MAP3K20: variants seen among roughly 807,000 people sequenced by gnomAD.
The protein encoded by MAP3K20 is mitogen-activated protein kinase kinase kinase 20.
Under a neutral mutation model 85.7 loss-of-function variants are expected in MAP3K20, and 40 were observed. The observed-to-expected ratio is 0.47, with a 90% confidence interval of 0.36 to 0.61. The LOEUF (loss-of-function observed/expected upper bound fraction) is 0.61. Among genes scored for constraint, MAP3K20 ranks in the 20% least tolerant of loss-of-function variants. The probability of loss-of-function intolerance (pLI) is 0.00; values close to 1 mark genes in which losing one functional copy is unlikely to be tolerated. For synonymous variants in MAP3K20, 325 were observed against 327.7 expected (o/e 0.99, Z 0.09); for missense variants, 817 against 961.7 (o/e 0.85, Z 1.99).
chr2:173,244,506 G>T (rs1411250740), intron 16 of MAP3K20, among the ~76,000 whole-genome samples: 1 of 152,210 alleles, frequency 6.6e-6, no homozygotes, highest in Admixed American at 6.5e-5. Flanking sequence ...TTCAGAAAGA[G>T]ATAACAAGAG....
chr2:173,214,594 T>C (rs1437461329), intron 10 of MAP3K20: 1 of 152,236 alleles, frequency 6.6e-6, no homozygotes, highest in African/African-American at 2.4e-5. Flanking sequence ...TATCATGTAA[T>C]ATATATTCTA....
At chr2:173,091,796 C>T (rs1317702487) in intron 2 of MAP3K20, among the ~76,000 whole-genome samples, 1 of 152,068 alleles carries the variant, frequency 6.6e-6, no homozygotes, top group Non-Finnish European at 1.5e-5. Flanking sequence ...TTGTGCTGGT[C>T]CTAGTTGAGC....
At chr2:173,100,377 A>G (rs1385496647) in intron 2 of MAP3K20, among the ~76,000 whole-genome samples, 1 of 152,224 alleles carries the variant, frequency 6.6e-6, no homozygotes, top group East Asian at 1.9e-4. Flanking sequence ...TAATATAAAC[A>G]GCATCGTTCA....
At chr2:173,171,382 ACT>A (rs887782304) in intron 3 of MAP3K20, among the ~76,000 whole-genome samples, 3 of 151,906 alleles carry the variant, frequency 2.0e-5, no homozygotes, top group East Asian at 1.9e-4. Flanking sequence ...GAGACTAGAA[ACT>A]CTGTTTCTTA....
chr2:173,228,128 C>T (rs181838815), intron 11 of MAP3K20, among the ~76,000 whole-genome samples: 44 of 152,312 alleles, frequency 2.9e-4, no homozygotes, highest in Non-Finnish European at 4.3e-4. Context: ...GCAGAGTATA[C>T]GCAGAACAGG....
intron 2 of MAP3K20, among the ~76,000 whole-genome samples, chr2:173,168,112 TAATA>T (rs1000938686): frequency 2.3e-4 from 35 of 150,668 alleles, no homozygotes; most frequent in African/African-American, 7.3e-4. Flanking sequence ...TTTCTAATAA[TAATA>T]AATAAACTTT....
At position 173,198,134 on chromosome 2, in the gene MAP3K20, C is replaced by A; in HGVS notation, c.669+22C>A. 1.3e-6 allele frequency: 2 copies of A among 1,597,900 alleles called. No individual in the cohort carries two copies. The highest frequency in any genetic ancestry group is 1.1e-5 in the South Asian group (1 of 89,242). ...CGAGGTAAGACTACGTTTCTCCATT[C>A]AGGTACATAGATCAGAAAACAGTAT... is the stretch of plus-strand genomic sequence containing the variant. On this transcript the variant is annotated intron_variant, in intron 8 of 19. Transcript: ENST00000375213. This position sits in a 1 kb window ranked among gnomAD's most constrained non-coding sequence, Gnocchi z 5.8.
chr2:173,258,680 A>G lies in MAP3K20; in HGVS notation c.1360-19A>G. On this transcript the variant is annotated intron_variant, in intron 16 of 19. Coordinates refer to ENST00000375213, the MANE Select transcript of MAP3K20 (RefSeq NM_016653.3). ...TTGTTTCACTTTCTCAAATTCTGTAATTTTGTTTTTAATTCCAGGATTGTA... is the reference window on the plus strand; with the variant it reads ...TTGTTTCACTTTCTCAAATTCTGTAGTTTTGTTTTTAATTCCAGGATTGTA... 1 of 1,482,104 alleles carries G rather than the reference A, an allele frequency of 6.7e-7. No individual in the cohort carries two copies. Among genetic ancestry groups the G allele is most frequent in the Non-Finnish European group, 9.4e-7 (1 of 1,069,484 alleles). 91.8% of individuals were successfully genotyped at this position (1,482,104 alleles called of 1,614,324 possible).
chr2:173,102,413 C>T (rs1489109358), intron 2 of MAP3K20, among the ~76,000 whole-genome samples: 4 of 152,112 alleles, frequency 2.6e-5, no homozygotes, highest in Admixed American at 6.5e-5. Flanking sequence ...TGGTTCTTAT[C>T]TGGTTTGTTT....
Position 173,136,657 on chromosome 2 carries a change from C to T in MAP3K20, c.160-33148C>T, listed in dbSNP as rs531194699. On this transcript the variant is annotated intron_variant, in intron 2 of 19. Coordinates refer to ENST00000375213, the MANE Select transcript of MAP3K20 (RefSeq NM_016653.3). ...TCATCCTGAGGAACATGAAAGAGAACGTAAAAGAGGTGACCCAAATCACAG... is the reference window on the plus strand; with the variant it reads ...TCATCCTGAGGAACATGAAAGAGAATGTAAAAGAGGTGACCCAAATCACAG... 3.3e-5 allele frequency among the ~76,000 whole-genome samples: 5 copies of T among 152,236 alleles called. No homozygotes were observed. In the East Asian group the frequency reaches 7.7e-4, roughly 23 times the overall value.
At chr2:173,255,336 T>C (rs1685133352) in intron 16 of MAP3K20, among the ~76,000 whole-genome samples, 1 of 152,128 alleles carries the variant, frequency 6.6e-6, no homozygotes, top group Non-Finnish European at 1.5e-5. Flanking sequence ...ACCTGCCACC[T>C]CTCCCGCTTG....
chr2:173,265,632 C>G (rs1685402108), intron 19 of MAP3K20, among the ~76,000 whole-genome samples: 1 of 152,170 alleles, frequency 6.6e-6, no homozygotes, highest in Non-Finnish European at 1.5e-5. Flanking sequence ...CCTGAACATA[C>G]TTTCTAGAAG....
intron 8 of MAP3K20, among the ~76,000 whole-genome samples, chr2:173,203,343 TA>T (rs1377501563): frequency 6.6e-6 from 1 of 152,214 alleles, no homozygotes; most frequent in African/African-American, 2.4e-5. Flanking sequence ...GTAGAGTTTT[TA>T]AAATTATCTC....
At chr2:173,136,647 T>C (rs781165592) in intron 2 of MAP3K20, among the ~76,000 whole-genome samples, 1 of 152,118 alleles carries the variant, frequency 6.6e-6, no homozygotes, top group Admixed American at 6.5e-5. Context: ...CTGAGGAACA[T>C]GAAAGAGAAC....
At chr2:173,223,969 C>T (rs1684320597) in intron 11 of MAP3K20, 1 of 985,378 alleles carries the variant, frequency 1.0e-6, no homozygotes, top group Non-Finnish European at 1.2e-6. Context: ...CAAAGATAGT[C>T]ATTCATTCAA....
At chr2:173,164,904 TACTC>T (rs1689770497) in intron 2 of MAP3K20, among the ~76,000 whole-genome samples, 3 of 152,160 alleles carry the variant, frequency 2.0e-5, no homozygotes, top group East Asian at 1.9e-4. Context: ...AACAACAAAA[TACTC>T]ACGACCTCCC....
At chr2:173,257,478 A>G (rs978093848) in intron 16 of MAP3K20, among the ~76,000 whole-genome samples, 5 of 152,214 alleles carry the variant, frequency 3.3e-5, no homozygotes, top group Admixed American at 6.5e-5. Context: ...AGATTGATCC[A>G]AATTGTTGCA....
intron 14 of MAP3K20, among the ~76,000 whole-genome samples, chr2:173,234,389 G>T (rs1312636380): frequency 2.0e-5 from 3 of 152,220 alleles, no homozygotes; most frequent in Admixed American, 6.5e-5. Flanking sequence ...GTGAGACTGG[G>T]CCTATGAAGA....
At chr2:173,246,766 G>A (rs1008484147) in intron 16 of MAP3K20, among the ~76,000 whole-genome samples, 2 of 152,056 alleles carry the variant, frequency 1.3e-5, no homozygotes, top group Non-Finnish European at 2.9e-5. Context: ...GGTTCCCATG[G>A]GTCTAAACTG....
Sources: allele counts gnomAD v4.1 joint callset (sites outside exome capture counted in the v4.1 genomes callset), GRCh38; gene constraint gnomAD v4.1.1; non-coding constraint Gnocchi (gnomAD v3.1); transcripts MANE v1.5; gene names NCBI Gene and HGNC (gene_info 2026-07-23, HGNC 2026-07-21).